The following KIF17 variants were observed in gnomAD, a reference collection of about 807,000 sequenced individuals.
The protein encoded by KIF17 is kinesin-like protein KIF17.
KIF17 carries 80 observed loss-of-function variants against 96.8 expected under a neutral mutation model. The ratio of observed to expected loss-of-function variants is 0.83; its 90% CI spans 0.69 to 1.00. KIF17 has a LOEUF of 1.00. Among genes scored for constraint, KIF17 ranks in the 50% least tolerant of loss-of-function variants. The probability of loss-of-function intolerance (pLI) is 0.00; values close to 1 mark genes in which losing one functional copy is unlikely to be tolerated. For synonymous variants in KIF17, 567 were observed against 587.5 expected (o/e 0.97, Z 0.51); for missense variants, 1,280 against 1,372.9 (o/e 0.93, Z 1.07).
At position 20,664,261 on chromosome 1, in the gene KIF17, T is replaced by A; in HGVS notation, c.*323A>T. On this transcript the variant is annotated 3_prime_UTR_variant, in exon 15 of 15. Coordinates refer to ENST00000400463, the MANE Select transcript of KIF17 (RefSeq NM_001122819.3). ...GGGCTGGTGAAGGCCGTGAAGCAGG[T>A]CTCAGGCTTTGAGGCAAAGACCAAC... 1 of 1,128,972 alleles carries A rather than the reference T, an allele frequency of 8.9e-7. No homozygotes were observed. Among genetic ancestry groups the A allele is most frequent in the Non-Finnish European group, 1.2e-6 (1 of 866,600 alleles). The allele number at this position is 1,128,972 out of a possible 1,614,324, so 69.9% of individuals were successfully genotyped here.
chr1:20,695,154 G>A (rs962741035), intron 6 of KIF17, among the ~76,000 whole-genome samples: 23 of 151,852 alleles, frequency 1.5e-4, no homozygotes, highest in African/African-American at 5.6e-4. Flanking sequence ...ACACATGCAT[G>A]TGCACAGCAC....
chr1:20,686,459 C>T (rs570553805), intron 8 of KIF17: 10 of 447,526 alleles, frequency 2.2e-5, no homozygotes, highest in Non-Finnish European at 4.1e-5. Context: ...GACCTGGGAT[C>T]TCTCTCTCTA....
In KIF17 at chr1:20,688,770, C is replaced by G. The variant is rs185478448; in HGVS notation, c.1382-826G>C. ...GAATGTCAGAGCTCCAGAAGCCAGA[C>G]GAAGATCTGCTGGAGGCCTCATATT... On this transcript the variant is annotated intron_variant, in intron 7 of 14. Transcript: ENST00000400463. Among the ~76,000 whole-genome samples the G allele has an allele frequency of 1.3e-3, 201 of 152,280 alleles. 1 individual carries two copies. Among genetic ancestry groups the G allele is most frequent in the African/African-American group, 4.6e-3 (190 of 41,556 alleles).
intron 8 of KIF17, chr1:20,686,429 ACACAAC>A (rs894776114): frequency 3.9e-6 from 2 of 510,286 alleles, no homozygotes; most frequent in African/African-American, 3.9e-5. Context: ...CAGAAAGGTC[ACACAAC>A]CAAGGAAGTG....
chr1:20,691,642 T>G (rs1158689317), intron 6 of KIF17, among the ~76,000 whole-genome samples: 1 of 126,064 alleles, frequency 7.9e-6, no homozygotes, highest in East Asian at 2.1e-4. Context: ...TTTTTTTTTT[T>G]TTTTTTAGTA....
At chr1:20,682,466 T>C (rs1354914952) in intron 11 of KIF17, among the ~76,000 whole-genome samples, 187 bp downstream of exon 11, 2 of 152,194 alleles carry the variant, frequency 1.3e-5, no homozygotes, top group African/African-American at 4.8e-5. Flanking sequence ...GAGCTGATTG[T>C]ACCACTGCAC....
chr1:20,717,654 C>A lies in KIF17; in HGVS notation c.53G>T (p.Arg18Leu). Residue 18 changes from arginine (R) to leucine (L), a missense_variant, in exon 1 of 15, where the codon CGG becomes CTG. Transcript: ENST00000400463. ...VVVRCRPMNQ[R>L]ERELRCQPVV... ...GGGCTGGCAGCGCAGCTCTCGCTCC[C>A]GCTGGTTCATGGGACGGCAGCGCAC... 2 of 1,606,212 alleles carry A rather than the reference C, an allele frequency of 1.2e-6. No individual in the cohort carries two copies. The highest frequency in any genetic ancestry group is 2.2e-5 in the East Asian group (1 of 44,772).
rs988490119 is a variant in KIF17, at chr1:20,672,794, T to G, written c.2464-598A>C. 1.1e-4 allele frequency: 18 copies of G among 168,942 alleles called. No individual in the cohort carries two copies. The highest frequency in any genetic ancestry group is 2.6e-5 in the Non-Finnish European group (2 of 76,388). The allele number at this position is 168,942 out of a possible 1,614,324, so 10.5% of individuals were successfully genotyped here. Reference sequence around the variant, plus strand: ...ATTCTTTTGGTCTCCTGCTCAAGTCTGCCAGACCGGTCCCCCGGTCCCTCC... The same window carrying G: ...ATTCTTTTGGTCTCCTGCTCAAGTCGGCCAGACCGGTCCCCCGGTCCCTCC... On this transcript the variant is annotated intron_variant, in intron 11 of 14. Coordinates refer to ENST00000400463, the MANE Select transcript of KIF17 (RefSeq NM_001122819.3). This position sits in a 1 kb window ranked among gnomAD's most constrained non-coding sequence, Gnocchi z 4.3.
chr1:20,713,478 C>T lies in KIF17; in HGVS notation c.456G>A (p.Gly152=), dbSNP rs1370015975. The T allele has an allele frequency of 1.9e-6, 3 of 1,613,218 alleles. No individual in the cohort carries two copies. Among genetic ancestry groups the T allele is most frequent in the Admixed American group, 1.7e-5 (1 of 59,972 alleles). ...IYNEDVRDLL[G]ADTKQKLELK... ...CCTCCAGCTTCTGCTTGGTGTCAGC[C>T]CCAAGGAGGTCCCGGACATCTTCAT... Residue 152 remains glycine (G), a synonymous_variant, in exon 3 of 15, where the codon GGG becomes GGA. Coordinates refer to ENST00000400463, the MANE Select transcript of KIF17 (RefSeq NM_001122819.3).
In KIF17 at chr1:20,664,598, T is replaced by C; in HGVS notation, c.3073A>G (p.Ser1025Gly). 6.2e-7 allele frequency: 1 copy of C among 1,608,644 alleles called. No homozygotes were observed. The highest frequency in any genetic ancestry group is 8.5e-7 in the Non-Finnish European group (1 of 1,177,256). Residue 1025 changes from serine (S) to glycine (G), a missense_variant, in exon 15 of 15, where the codon AGT becomes GGT. Physicochemically the swap from Ser to Gly is moderately conservative, Grantham distance 56. Coordinates refer to ENST00000400463, the MANE Select transcript of KIF17 (RefSeq NM_001122819.3). ...AGCAGCTGTGCTCACAGAGGCTCAC[T>C]GCCAAAGTTGCTTTTGCTTTTCTTA... is the stretch of plus-strand genomic sequence containing the variant. The part of the protein sequence containing the change: ...KRKKSKSNFG[S>G]EPL
chr1:20,687,561 G>A lies in KIF17; in HGVS notation c.1765C>T (p.Leu589=). 5.6e-6 allele frequency: 9 copies of A among 1,613,892 alleles called. No homozygotes were observed. The highest frequency in any genetic ancestry group is 7.6e-6 in the Non-Finnish European group (9 of 1,179,866). Residue 589 remains leucine, a synonymous_variant, in exon 8 of 15, where the codon CTG becomes TTG. Coordinates refer to ENST00000400463, the MANE Select transcript of KIF17 (RefSeq NM_001122819.3). This position sits in a 1 kb window ranked among gnomAD's most constrained non-coding sequence, Gnocchi z 4.4. ...GGGAGGTAGTTCTGTTCCCCCAGCA[G>A]GTGCCCAGCGGCCTCCTGCCCGAGG... ...ECLGQEAAGH[L]LGEQNYLPQE... is the part of the protein sequence containing the mutation.
intron 2 of KIF17, among the ~76,000 whole-genome samples, chr1:20,714,990 A>G (rs897017933): frequency 6.6e-6 from 1 of 152,146 alleles, no homozygotes; most frequent in Non-Finnish European, 1.5e-5. Context: ...CACTGCCACA[A>G]ATGGTCGCCA....
chr1:20,682,007 G>A (rs895099901), intron 11 of KIF17, among the ~76,000 whole-genome samples: 5 of 152,088 alleles, frequency 3.3e-5, no homozygotes, highest in Admixed American at 6.6e-5. Context: ...ACATAAAAAC[G>A]GAGTTGTCTC....
Position 20,699,560 on chromosome 1 carries a change from C to T in KIF17, c.1124-1072G>A, listed in dbSNP as rs141360810. Among the ~76,000 whole-genome samples the T allele has an allele frequency of 2.2e-4, 34 of 152,216 alleles. No individual in the cohort carries two copies. The East Asian group carries it at 5.8e-3, about 26-fold the overall frequency. On this transcript the variant is annotated intron_variant, in intron 5 of 14. Coordinates refer to ENST00000400463, the MANE Select transcript of KIF17 (RefSeq NM_001122819.3). This position sits in a 1 kb window ranked among gnomAD's most constrained non-coding sequence, Gnocchi z 4.3. Reference sequence around the variant, plus strand: ...CAGCCTGGGCGAAAGAGCAAGACTCCGTCTCAAAAATAAATAAATAAATAG... The same window carrying T: ...CAGCCTGGGCGAAAGAGCAAGACTCTGTCTCAAAAATAAATAAATAAATAG...
intron 6 of KIF17, chr1:20,692,720 T>C (rs2054062872): frequency 6.6e-6 from 1 of 152,094 alleles, no homozygotes; most frequent in South Asian, 2.1e-4. Flanking sequence ...GGGGGCATGC[T>C]TCTCCCCCAG....
At chr1:20,710,856 C>G (rs1207222574) in intron 3 of KIF17, among the ~76,000 whole-genome samples, 3 of 152,152 alleles carry the variant, frequency 2.0e-5, no homozygotes, top group Non-Finnish European at 4.4e-5. Flanking sequence ...AGGTGAAGGT[C>G]ACAGCTGTTT....
intron 6 of KIF17, among the ~76,000 whole-genome samples, chr1:20,690,938 T>C (rs965451338): frequency 1.3e-5 from 2 of 151,992 alleles, no homozygotes; most frequent in Non-Finnish European, 2.9e-5. Flanking sequence ...CCACCCGCCT[T>C]GGCCTCCCAA....
At position 20,685,056 on chromosome 1, in the gene KIF17, G is replaced by T. The variant is rs751087135; in HGVS notation, c.2020-36C>A. The T allele has an allele frequency of 6.5e-6, 10 of 1,530,904 alleles. No individual in the cohort carries two copies. Among genetic ancestry groups the T allele is most frequent in the Non-Finnish European group, 8.0e-6 (9 of 1,126,734 alleles). The allele number at this position is 1,530,904 out of a possible 1,614,324, so 94.8% of individuals were successfully genotyped here. On this transcript the variant is annotated intron_variant, in intron 9 of 14. Transcript: ENST00000400463. This position sits in a 1 kb window ranked among gnomAD's most constrained non-coding sequence, Gnocchi z 4.1. ...AGAGAAACCCAGGTGGAGGTGGGAA[G>T]GCCGCCCCAACCCCCGCCGACAGCT...
In KIF17 at chr1:20,717,778, A is replaced by G; in HGVS notation, c.-72T>C. The G allele has an allele frequency of 6.9e-7, 1 of 1,444,608 alleles. No homozygotes were observed. Among genetic ancestry groups the G allele is most frequent in the South Asian group, 1.4e-5 (1 of 71,124 alleles). The allele number at this position is 1,444,608 out of a possible 1,614,324, so 89.5% of individuals were successfully genotyped here. A position where few individuals can be genotyped will look rare whatever the true frequency, so the allele number is the denominator to read the frequency against. On this transcript the variant is annotated 5_prime_UTR_variant, in exon 1 of 15. Coordinates refer to ENST00000400463, the MANE Select transcript of KIF17 (RefSeq NM_001122819.3). The stretch of plus-strand genomic sequence containing the variant: ...CCGGGGACTCCCAGCAGCCCGGGCC[A>G]AGGGGCGGGGCCAGCGCCGGCCACG...
Sources: allele counts gnomAD v4.1 joint callset (sites outside exome capture counted in the v4.1 genomes callset), GRCh38; gene constraint gnomAD v4.1.1; non-coding constraint Gnocchi (gnomAD v3.1); transcripts MANE v1.5; gene names NCBI Gene and HGNC (gene_info 2026-07-23, HGNC 2026-07-21).